BEND7: variants seen among roughly 807,000 people sequenced by gnomAD.
The protein encoded by BEND7 is BEN domain-containing protein 7.
Under a neutral mutation model 50.9 loss-of-function variants are expected in BEND7, and 28 were observed. That is an observed-to-expected ratio of 0.55 (90% CI 0.41 to 0.75). The LOEUF is 0.75. Among genes scored for constraint, BEND7 ranks in the 30% least tolerant of loss-of-function variants. The probability of loss-of-function intolerance (pLI) is 0.00; values close to 1 mark genes in which losing one functional copy is unlikely to be tolerated. For synonymous variants in BEND7, 170 were observed against 183.9 expected, an observed-to-expected ratio of 0.92 and a Z score of 0.61; for missense variants, 477 against 491.3, an observed-to-expected ratio of 0.97 and a Z score of 0.28.
At chr10:13,477,290 CT>C (rs753077001) in intron 6 of BEND7, among the ~76,000 whole-genome samples, 4 of 152,166 alleles carry the variant, frequency 2.6e-5, no homozygotes, top group Non-Finnish European at 5.9e-5. Context: ...AATTAATACA[CT>C]ATTGGGACAT....
At chr10:13,495,602 C>T (rs889228711) in intron 4 of BEND7, among the ~76,000 whole-genome samples, 27 of 152,130 alleles carry the variant, frequency 1.8e-4, no homozygotes, top group African/African-American at 5.8e-4. Context: ...GTAGAGGTTT[C>T]GGTGAGCCGA....
At chr10:13,472,191 C>G (rs962012787) in intron 6 of BEND7, among the ~76,000 whole-genome samples, 33 of 150,964 alleles carry the variant, frequency 2.2e-4, no homozygotes, top group African/African-American at 6.6e-4. Context: ...AGGGCCGATA[C>G]CTGTCATCAC....
chr10:13,439,340 G>T (rs1835062047), downstream of BEND7: 2 of 1,614,152 alleles, frequency 1.2e-6, no homozygotes, highest in Non-Finnish European at 1.7e-6. Context: ...TTTCAGCTCT[G>T]TCTCTGGTAA....
Position 13,441,429 on chromosome 10 carries a change from T to A in BEND7, c.*314A>T. ...GCAGTTTTGATACGTATTTCCAGTG[T>A]GTAGATCCGTTCATCGCACACATCT... On this transcript the variant is annotated 3_prime_UTR_variant, in exon 9 of 9. Coordinates refer to ENST00000466271, the MANE Select transcript of BEND7 (RefSeq NM_001369863.1). 1 of 1,213,690 alleles carries A rather than the reference T, an allele frequency of 8.2e-7. No individual in the cohort carries two copies. Among genetic ancestry groups the A allele is most frequent in the Non-Finnish European group, 1.0e-6 (1 of 974,740 alleles). The allele number at this position is 1,213,690 out of a possible 1,614,324, so 75.2% of individuals were successfully genotyped here. A position where few individuals can be genotyped will look rare whatever the true frequency, so the allele number is the denominator to read the frequency against.
rs574870121 is a variant in BEND7, at chr10:13,507,324, G to C, written c.146-7244C>G. 6.3e-4 allele frequency among the ~76,000 whole-genome samples: 96 copies of C among 152,238 alleles called. 1 individual carries two copies. The highest frequency in any genetic ancestry group is 2.2e-3 in the African/African-American group (93 of 41,556). ...TGACTGACTCTCTCTCCCCGCGCCAGTCTCAAACCCATCACTCAGGGATGT... is the reference window on the plus strand; with the variant it reads ...TGACTGACTCTCTCTCCCCGCGCCACTCTCAAACCCATCACTCAGGGATGT... On this transcript the variant is annotated intron_variant, in intron 2 of 8. Coordinates refer to ENST00000466271, the MANE Select transcript of BEND7 (RefSeq NM_001369863.1).
intron 6 of BEND7, among the ~76,000 whole-genome samples, chr10:13,476,340 G>A (rs531229822): frequency 6.6e-6 from 1 of 152,238 alleles, no homozygotes; most frequent in South Asian, 2.1e-4. Flanking sequence ...TGATACCTGT[G>A]GCTGTCCAGA....
At chr10:13,509,039 G>A (rs892310941) in intron 2 of BEND7, among the ~76,000 whole-genome samples, 8 of 152,146 alleles carry the variant, frequency 5.3e-5, no homozygotes, top group African/African-American at 1.9e-4. Flanking sequence ...GGCTTGAGAT[G>A]GGCAGTTAGG....
chr10:13,450,410 G>A (rs894807352), intron 7 of BEND7, among the ~76,000 whole-genome samples: 5 of 152,194 alleles, frequency 3.3e-5, no homozygotes, highest in Non-Finnish European at 1.5e-5. Context: ...GGTTCCTATC[G>A]GCATCATGGA....
Position 13,528,634 on chromosome 10 carries a change from C to T in BEND7, c.-101G>A, listed in dbSNP as rs1308274104. The T allele has an allele frequency of 1.8e-6, 1 of 565,410 alleles. No individual in the cohort carries two copies. Among genetic ancestry groups the T allele is most frequent in the Non-Finnish European group, 2.2e-6 (1 of 448,248 alleles). 35.0% of individuals were successfully genotyped at this position (565,410 alleles called of 1,614,324 possible). ...GCGGCGCGGGCTCGTGTCACCGCGG[C>T]GGAGCCGCCGGGACCAAGGTCCGCG... On this transcript the variant is annotated 5_prime_UTR_variant, in exon 1 of 9. Transcript: ENST00000466271.
chr10:13,487,988 G>A (rs1475374012), intron 5 of BEND7, among the ~76,000 whole-genome samples: 1 of 150,610 alleles, frequency 6.6e-6, no homozygotes, highest in East Asian at 2.0e-4. Context: ...AGCTACTCAG[G>A]AAGCTGAGGC....
At chr10:13,500,274 C>T (rs1480211732) in intron 2 of BEND7, among the ~76,000 whole-genome samples, 194 bp from the exon 3 acceptor site, 1 of 152,172 alleles carries the variant, frequency 6.6e-6, no homozygotes, top group Non-Finnish European at 1.5e-5. Flanking sequence ...ATTCCTGGTG[C>T]CTCTCATTTT....
chr10:13,473,148 C>T (rs1190008555), intron 6 of BEND7, among the ~76,000 whole-genome samples: 9 of 151,940 alleles, frequency 5.9e-5, no homozygotes, highest in Non-Finnish European at 1.3e-4. Flanking sequence ...GGGGTTGATA[C>T]CTGTCATCTC....
intron 2 of BEND7, among the ~76,000 whole-genome samples, chr10:13,504,221 T>G (rs2132310279): frequency 6.6e-6 from 1 of 152,236 alleles, no homozygotes; most frequent in African/African-American, 2.4e-5. Flanking sequence ...GGTGCAGTGT[T>G]AGTGTGGGAC....
chr10:13,503,781 A>G (rs2077659348), intron 2 of BEND7, among the ~76,000 whole-genome samples: 2 of 152,262 alleles, frequency 1.3e-5, no homozygotes, highest in Non-Finnish European at 2.9e-5. Flanking sequence ...TAACTGCAGA[A>G]GTCTGTGCTG....
intron 7 of BEND7, among the ~76,000 whole-genome samples, chr10:13,450,006 G>C (rs1564506567): frequency 6.6e-6 from 1 of 152,158 alleles, no homozygotes; most frequent in African/African-American, 2.4e-5. Flanking sequence ...TCTTTACTCT[G>C]AGATCTAACA....
chr10:13,448,215 T>TA (rs1343034829), intron 7 of BEND7, among the ~76,000 whole-genome samples: 1 of 152,130 alleles, frequency 6.6e-6, no homozygotes, highest in Admixed American at 6.5e-5. Context: ...AACCTTCTGT[T>TA]ACATGCGAAA....
chr10:13,481,855 G>T (rs747878633), intron 5 of BEND7, among the ~76,000 whole-genome samples: 1 of 152,226 alleles, frequency 6.6e-6, no homozygotes, highest in Non-Finnish European at 1.5e-5. Context: ...ACTGGGATAC[G>T]GAATCAGAGG....
rs750500731 is a variant in BEND7 at position 13,496,825 on chromosome 10, G to A, written c.512C>T (p.Thr171Met). The A allele has an allele frequency of 2.1e-5, 34 of 1,611,622 alleles. No homozygotes were observed. The East Asian group carries it at 4.3e-4, about 20-fold the overall frequency. Residue 171 changes from threonine (T) to methionine (M), a missense_variant, in exon 4 of 9, where the codon ACG (threonine) becomes ATG (methionine). Thr to Met is a moderately conservative substitution (Grantham distance 81). Around this residue, in one of 3 missense-constraint regions of BEND7, gnomAD observed 396 missense variants for 384.2 expected, o/e 1.03. Coordinates refer to ENST00000466271, the MANE Select transcript of BEND7 (RefSeq NM_001369863.1). ...SNCCTCNCQSTLQAILQELKT... is the reference protein window; with the variant it reads ...SNCCTCNCQSMLQAILQELKT... Reference sequence around the variant, plus strand: ...GAGTTCTTGTAGAATGGCCTGCAACGTTGACTGGCAGTTACAAGTACAGCA... The same window carrying A: ...GAGTTCTTGTAGAATGGCCTGCAACATTGACTGGCAGTTACAAGTACAGCA...
At chr10:13,455,629 G>C (rs1838784157) in intron 6 of BEND7, among the ~76,000 whole-genome samples, 1 of 152,122 alleles carries the variant, frequency 6.6e-6, no homozygotes, top group African/African-American at 2.4e-5. Context: ...GGAGAAGGAG[G>C]AGACGGTCAA....
Sources: gnomAD v4.1 joint callset for allele counts (sites outside exome capture counted in the v4.1 genomes callset) on GRCh38, gnomAD v4.1.1 for gene constraint, gnomAD v4.1.1 regional missense constraint, MANE v1.5 for transcripts, NCBI Gene and HGNC (gene_info 2026-07-23, HGNC 2026-07-21) for gene names.